The following ADPRHL1 variants were observed in gnomAD, a reference collection of about 807,000 sequenced individuals.
ADPRHL1 encodes the protein inactive ADP-ribosyltransferase ARH2.
A neutral mutation model predicts 44.1 loss-of-function variants in ADPRHL1; 43 were observed. The ratio of observed to expected loss-of-function variants is 0.98; its 90% CI spans 0.76 to 1.26. ADPRHL1 has a LOEUF of 1.26. ADPRHL1 is among the 50% of genes most tolerant of loss of function. The pLI, the probability that ADPRHL1 is intolerant of heterozygous loss-of-function variation, is 0.00. For missense variants in ADPRHL1, 2,022 were observed against 2,496.9 expected, an observed-to-expected ratio of 0.81 and a Z score of 4.05; for synonymous variants, 878 against 1,017.4, an observed-to-expected ratio of 0.86 and a Z score of 2.61.
At position 113,400,187 on chromosome 13, in the gene ADPRHL1, C is replaced by T. The variant is rs1294003028; in HGVS notation, c.*3191G>A. ...TTTTGACGGAGTCTCGCTCTGTCAC[C>T]CAGGCTGGAGTGCAGTGGCGCAATC... is the stretch of plus-strand genomic sequence containing the variant. On this transcript the variant is annotated 3_prime_UTR_variant, in exon 8 of 8. Coordinates refer to ENST00000612156, the MANE Select transcript of ADPRHL1 (RefSeq NM_001394807.1). 1.4e-5 allele frequency: 2 copies of T among 147,718 alleles called. No homozygotes were observed. Among genetic ancestry groups the T allele is most frequent in the African/African-American group, 5.0e-5 (2 of 40,046 alleles). 9.2% of individuals were successfully genotyped at this position (147,718 alleles called of 1,614,324 possible).
intron 3 of ADPRHL1, among the ~76,000 whole-genome samples, chr13:113,430,739 C>T (rs9670346): frequency 4.1e-5 from 6 of 147,802 alleles, no homozygotes; most frequent in South Asian, 2.2e-4. Context: ...GCAGTGGCAC[C>T]AGTGGCGGGG....
chr13:113,413,079 C>T (rs2043867648), intron 7 of ADPRHL1, among the ~76,000 whole-genome samples: 1 of 140,648 alleles, frequency 7.1e-6, no homozygotes, highest in African/African-American at 2.8e-5. Flanking sequence ...GTTCACCCAC[C>T]GCCAACAGCG....
intron 2 of ADPRHL1, among the ~76,000 whole-genome samples, chr13:113,436,422 C>T (rs1297742877): frequency 7.8e-4 from 8 of 10,308 alleles, no homozygotes; most frequent in African/African-American, 3.1e-3. Context: ...GTAGGGTGAA[C>T]ATAGGTGTAC....
In ADPRHL1 at chr13:113,404,584, C is replaced by A; in HGVS notation, c.4698G>T (p.Gly1566=). The change falls in exon 8 of 8, where the codon GGG becomes GGT. Residue 1566 remains glycine (G), a synonymous_variant. Coordinates refer to ENST00000612156, the MANE Select transcript of ADPRHL1 (RefSeq NM_001394807.1). ...AQWQTQIEAQ[G]QAQEPAQGGA... is the part of the protein sequence containing the mutation. ...CACCCTGAGCTGGTTCCTGTGCCTG[C>A]CCCTGGGCCTCTATCTGGGTCTGCC... is the stretch of plus-strand genomic sequence containing the variant. The A allele has an allele frequency of 7.8e-7, 1 of 1,279,412 alleles. No homozygotes were observed. Among genetic ancestry groups the A allele is most frequent in the South Asian group, 2.6e-5 (1 of 38,656 alleles). The allele number at this position is 1,279,412 out of a possible 1,614,324, so 79.3% of individuals were successfully genotyped here.
intron 7 of ADPRHL1, among the ~76,000 whole-genome samples, chr13:113,411,117 G>A (rs920475341): frequency 3.9e-5 from 6 of 152,124 alleles, no homozygotes; most frequent in South Asian, 2.1e-4. Context: ...ACGTCAATCC[G>A]CCCCTTCCCA....
intron 4 of ADPRHL1, among the ~76,000 whole-genome samples, chr13:113,425,573 T>C (rs1400508791): frequency 6.6e-6 from 1 of 151,950 alleles, no homozygotes; most frequent in Non-Finnish European, 1.5e-5. Flanking sequence ...GGTTTCACCA[T>C]GTTAGTCAGG....
chr13:113,406,101 T>C lies in ADPRHL1; in HGVS notation c.3181A>G (p.Thr1061Ala). 2.4e-6 allele frequency: 3 copies of C among 1,230,236 alleles called. 1 individual carries two copies. The South Asian group carries it at 1.2e-4, about 51-fold the overall frequency. The allele number at this position is 1,230,236 out of a possible 1,614,324, so 76.2% of individuals were successfully genotyped here. ...CATTCCTCCAGCGCACCGGGCACTG[T>C]CATGCCCATCGGGGTGACACCCTCA... ...GPEGVTPMGM[T>A]VPGALEECRR... The change falls in exon 8 of 8, where the codon ACA (threonine) becomes GCA (alanine). Residue 1061 changes from threonine to alanine, a missense_variant. Around this residue, in one of 8 missense-constraint regions of ADPRHL1, gnomAD observed 1,221 missense variants for 1,517.8 expected, o/e 0.80. Coordinates refer to ENST00000612156, the MANE Select transcript of ADPRHL1 (RefSeq NM_001394807.1).
intron 2 of ADPRHL1, among the ~76,000 whole-genome samples, chr13:113,440,458 C>CT (rs758896751): frequency 0.033 from 4,713 of 142,320 alleles, 111 homozygotes; most frequent in Non-Finnish European, 0.047. Flanking sequence ...ATTTTTCCAT[C>CT]TTTTTTTTTT....
At chr13:113,424,093 G>A in intron 6 of ADPRHL1, 124 bp downstream of exon 6, 3 of 1,328,112 alleles carry the variant, frequency 2.3e-6, no homozygotes, top group South Asian at 3.0e-5. Flanking sequence ...GGAAGAGATG[G>A]ACGCACATGC....
intron 2 of ADPRHL1, among the ~76,000 whole-genome samples, chr13:113,436,296 C>T (rs1350729822): frequency 7.0e-6 from 1 of 142,582 alleles, no homozygotes; most frequent in East Asian, 2.1e-4. Context: ...ATAGAGTGAA[C>T]GTAGGTGTAC....
intron 7 of ADPRHL1, among the ~76,000 whole-genome samples, chr13:113,419,969 T>G (rs1200020475): frequency 6.6e-6 from 1 of 151,966 alleles, no homozygotes; most frequent in Non-Finnish European, 1.5e-5. Context: ...CATAAGCAGG[T>G]GTGTCTCACA....
chr13:113,451,430 C>T (rs2044178774), intron 1 of ADPRHL1, among the ~76,000 whole-genome samples: 2 of 152,246 alleles, frequency 1.3e-5, no homozygotes, highest in South Asian at 4.1e-4. Context: ...TCATGACCCA[C>T]AAACTAGACG....
At chr13:113,408,694 T>C (rs964048273) in intron 7 of ADPRHL1, among the ~76,000 whole-genome samples, 1 of 152,238 alleles carries the variant, frequency 6.6e-6, no homozygotes, top group African/African-American at 2.4e-5. Context: ...AATTCTGCCA[T>C]GATCCCAGGG....
rs1278397572 is a variant in ADPRHL1 at position 113,422,910 on chromosome 13, G to A, written c.977C>T (p.Pro326Leu). 1 of 1,612,838 alleles carries A rather than the reference G, an allele frequency of 6.2e-7. No individual in the cohort carries two copies. The highest frequency in any genetic ancestry group is 2.2e-5 in the East Asian group (1 of 44,878). ...FGLLYGLDLV[P>L]KGLYQDLEDK... ...CTCCAGGTCCTGGTACAAGCCTTTG[G>A]GAACGAGGTCCAGGCCGTACAGCAA... Residue 326 changes from proline to leucine, a missense_variant, in exon 7 of 8, where the codon CCC becomes CTC. Around this residue, in one of 8 missense-constraint regions of ADPRHL1, gnomAD observed 1,221 missense variants for 1,517.8 expected, o/e 0.80. Transcript: ENST00000612156.
At chr13:113,428,751 C>T (rs2043984805) in intron 4 of ADPRHL1, among the ~76,000 whole-genome samples, 1 of 152,268 alleles carries the variant, frequency 6.6e-6, no homozygotes, top group Admixed American at 6.5e-5. Flanking sequence ...GGCAAAGCCT[C>T]CCAGGTCAGG....
At position 113,433,745 on chromosome 13, in the gene ADPRHL1, T is replaced by A; in HGVS notation, c.502A>T (p.Thr168Ser). The A allele has an allele frequency of 6.5e-7, 1 of 1,533,426 alleles. No homozygotes were observed. Among genetic ancestry groups the A allele is most frequent in the Non-Finnish European group, 8.8e-7 (1 of 1,136,990 alleles). The allele number at this position is 1,533,426 out of a possible 1,614,324, so 95.0% of individuals were successfully genotyped here. A position where few individuals can be genotyped will look rare whatever the true frequency, so the allele number is the denominator to read the frequency against. ...ECGRMTHNHP[T>S]GFLGSLCTAL... ...CCCACCCCCCGCCCACACTTACCTG[T>A]GGGATGGTTGTGGGTCATCCGGCCG... The change falls in exon 3 of 8, where the codon ACA (threonine) becomes TCA (serine). Residue 168 changes from threonine (T) to serine (S), a missense_variant. Physicochemically the swap from Thr to Ser is moderately conservative, Grantham distance 58. Coordinates refer to ENST00000612156, the MANE Select transcript of ADPRHL1 (RefSeq NM_001394807.1).
At chr13:113,447,088 C>T (rs532370944) in intron 1 of ADPRHL1, among the ~76,000 whole-genome samples, 4 of 132,476 alleles carry the variant, frequency 3.0e-5, no homozygotes, top group African/African-American at 1.2e-4. Context: ...GGTGTGTGTG[C>T]ATGGTGTCTA....
In ADPRHL1 at chr13:113,453,319, G is replaced by C; in HGVS notation, c.119C>G (p.Ser40Cys). The change falls in exon 1 of 8, where the codon TCC becomes TGC. Residue 40 changes from serine (S) to cysteine (C), a missense_variant. By Grantham distance (112) the Ser-to-Cys change is moderately radical. This residue lies in a region of ADPRHL1 where 437 missense variants were observed against 430.7 expected (regional missense o/e 1.01). Transcript: ENST00000612156. This position sits in a 1 kb window ranked among gnomAD's most constrained non-coding sequence, Gnocchi z 5.4. The stretch of plus-strand genomic sequence containing the variant: ...GAGTACGAGGTGGTCCAGGCCCCCG[G>C]AACGTTGCAGCTCCTCCTGGATCTT... ...GMKIQEELQR[S>C]GGLDHLVLSP... 4 of 1,614,210 alleles carry C rather than the reference G, an allele frequency of 2.5e-6. No homozygotes were observed. The highest frequency in any genetic ancestry group is 3.4e-6 in the Non-Finnish European group (4 of 1,180,042).
At chr13:113,451,639 CTCTACTAAAAAT>C (rs2044179843) in intron 1 of ADPRHL1, among the ~76,000 whole-genome samples, 4 of 152,128 alleles carry the variant, frequency 2.6e-5, no homozygotes, top group Admixed American at 1.3e-4. Context: ...GAAACCCCGT[CTCTACTAAAAAT>C]ACAAAAATCA....
Sources: allele counts gnomAD v4.1 joint callset (sites outside exome capture counted in the v4.1 genomes callset), GRCh38; gene constraint gnomAD v4.1.1; regional missense constraint gnomAD v4.1.1; non-coding constraint Gnocchi (gnomAD v3.1); transcripts MANE v1.5; gene names NCBI Gene and HGNC (gene_info 2026-07-23, HGNC 2026-07-21).